MORF4L1: variants seen among roughly 807,000 people sequenced by gnomAD.
MORF4L1 encodes mortality factor 4 like 1, also known as mortality factor 4-like protein 1.
MORF4L1 carries 4 observed loss-of-function variants against 52.9 expected under a neutral mutation model. That is an observed-to-expected ratio of 0.08 (90% CI 0.04 to 0.17). MORF4L1 has a LOEUF of 0.17. Ranked by LOEUF, MORF4L1 falls within the 10% of genes least tolerant of loss-of-function variation. MORF4L1 has a pLI of 1.00. For missense variants in MORF4L1, 214 were observed against 390.4 expected, an observed-to-expected ratio of 0.55 and a Z score of 3.81; for synonymous variants, 123 against 134.8, an observed-to-expected ratio of 0.91 and a Z score of 0.61.
At chr15:78,873,419 G>C (rs924018508) in intron 1 of MORF4L1, among the ~76,000 whole-genome samples, 3 of 152,176 alleles carry the variant, frequency 2.0e-5, no homozygotes, top group African/African-American at 4.8e-5. Context: ...GTGGCGGCGG[G>C]GGGGGAGGGG....
At chr15:78,873,170 G>T (rs1239881162) in intron 1 of MORF4L1, 113 bp downstream of exon 1, 11 of 1,535,076 alleles carry the variant, frequency 7.2e-6, no homozygotes, top group Non-Finnish European at 9.6e-6. Flanking sequence ...CTGAGAAGGC[G>T]GCGGTCAGTG....
chr15:78,895,012 A>G (rs990267367), intron 11 of MORF4L1, 108 bp downstream of exon 11: 12 of 874,258 alleles, frequency 1.4e-5, no homozygotes, highest in Non-Finnish European at 2.2e-5. Context: ...GTACAGGCAT[A>G]GATAGTTGGT....
chr15:78,877,207 A>T (rs1596239054), intron 1 of MORF4L1, among the ~76,000 whole-genome samples: 1 of 129,830 alleles, frequency 7.7e-6, no homozygotes, highest in East Asian at 2.3e-4. Flanking sequence ...TGCAACCTCC[A>T]CCTCCCGGGT....
chr15:78,891,162 A>T (rs1483516720), intron 6 of MORF4L1, 148 bp downstream of exon 6: 3 of 1,027,548 alleles, frequency 2.9e-6, no homozygotes, highest in Non-Finnish European at 4.3e-6. Flanking sequence ...AAATAGGTAC[A>T]TGGTGGTAGA....
chr15:78,890,487 CTTTT>C (rs899494842), intron 5 of MORF4L1, among the ~76,000 whole-genome samples: 1 of 145,354 alleles, frequency 6.9e-6, no homozygotes, highest in African/African-American at 2.5e-5. Context: ...GTTTGCTTTT[CTTTT>C]TTTTTTGTCT....
In MORF4L1 at chr15:78,872,990, G is replaced by A. The variant is rs1420755398; in HGVS notation, c.-28G>A. The stretch of plus-strand genomic sequence containing the variant: ...GGGGCGGTAGTCGGGGGTGGTGGGA[G>A]AAGGAGGAGGCGGCGAATCACTTAT... On this transcript the variant is annotated 5_prime_UTR_variant, in exon 1 of 12. Transcript: ENST00000426013. 2.6e-6 allele frequency: 4 copies of A among 1,549,316 alleles called. No individual in the cohort carries two copies. The highest frequency in any genetic ancestry group is 2.7e-5 in the African/African-American group (2 of 73,062).
Position 78,891,059 on chromosome 15 carries a change from G to T in MORF4L1, c.349+45G>T. The T allele has an allele frequency of 2.1e-6, 3 of 1,458,690 alleles. No individual in the cohort carries two copies. The South Asian group carries it at 3.6e-5, about 18-fold the overall frequency. 90.4% of individuals were successfully genotyped at this position (1,458,690 alleles called of 1,614,324 possible). A position where few individuals can be genotyped will look rare whatever the true frequency, so the allele number is the denominator to read the frequency against. On this transcript the variant is annotated intron_variant, in intron 6 of 11. Transcript: ENST00000426013. The stretch of plus-strand genomic sequence containing the variant: ...TAACGTTAATTTATGTTACCTCTAT[G>T]ACATTGACGTTTTTATTTTGAAAGC...
chr15:78,885,799 T>A (rs1034972781), intron 3 of MORF4L1, among the ~76,000 whole-genome samples: 1 of 152,240 alleles, frequency 6.6e-6, no homozygotes, highest in Non-Finnish European at 1.5e-5. Context: ...TTTTGACTCC[T>A]GTGCTTTATT....
In MORF4L1 at chr15:78,876,552, T is replaced by C. The variant is rs181330956; in HGVS notation, c.41-1661T>C. 2.5e-4 allele frequency: 113 copies of C among 455,990 alleles called. 1 individual carries two copies. In the East Asian group the frequency reaches 7.6e-3, roughly 31 times the overall value. The allele number at this position is 455,990 out of a possible 1,614,324, so 28.2% of individuals were successfully genotyped here. On this transcript the variant is annotated intron_variant, in intron 1 of 11. Coordinates refer to ENST00000426013, the MANE Select transcript of MORF4L1 (RefSeq NM_006791.4). ...CAGGGCCTCGGTTTCAGTGCACTTT[T>C]TTTTCCGGCAGTAGCAGCCAAGGGG... is the stretch of plus-strand genomic sequence containing the variant.
At chr15:78,876,557 C>A (rs2056495974) in intron 1 of MORF4L1, 2 of 455,566 alleles carry the variant, frequency 4.4e-6, no homozygotes, top group Non-Finnish European at 8.8e-6. Flanking sequence ...ACTTTTTTTT[C>A]CGGCAGTAGC....
intron 11 of MORF4L1, among the ~76,000 whole-genome samples, chr15:78,896,308 C>CTTTTTTTTTTTTTTT (rs71148578): frequency 1.5e-4 from 12 of 81,432 alleles, no homozygotes; most frequent in Admixed American, 5.0e-4. Context: ...CTTTTCTTTT[C>CTTTTTTTTTTTTTTT]TTTTTTTTTT....
At position 78,893,994 on chromosome 15, in the gene MORF4L1, G is replaced by A. The variant is rs1321325411; in HGVS notation, c.630-64G>A. ...CAGCTTTTAATTCTTTAAATTGGTT[G>A]AATTATTCTCTATGTCAGTTATTTT... On this transcript the variant is annotated intron_variant, in intron 9 of 11. Coordinates refer to ENST00000426013, the MANE Select transcript of MORF4L1 (RefSeq NM_006791.4). 3 of 1,438,792 alleles carry A rather than the reference G, an allele frequency of 2.1e-6. No homozygotes were observed. The African/African-American group carries it at 4.3e-5, about 21-fold the overall frequency. 89.1% of individuals were successfully genotyped at this position (1,438,792 alleles called of 1,614,324 possible).
Position 78,894,079 on chromosome 15 carries a change from T to A in MORF4L1, c.651T>A (p.Val217=). The A allele has an allele frequency of 6.2e-7, 1 of 1,613,344 alleles. No individual in the cohort carries two copies. Among genetic ancestry groups the A allele is most frequent in the South Asian group, 1.1e-5 (1 of 90,984 alleles). Reference sequence around the variant, plus strand: ...TCAGGGAGTATGCGGTTAATGAAGTTGTGGCAGGGATAAAAGAATACTTCA... The same window carrying A: ...TCAGGGAGTATGCGGTTAATGAAGTAGTGGCAGGGATAAAAGAATACTTCA... ...TDNKEYAVNE[V]VAGIKEYFNV... Residue 217 remains valine, a synonymous_variant, in exon 10 of 12, where the codon GTT becomes GTA. Coordinates refer to ENST00000426013, the MANE Select transcript of MORF4L1 (RefSeq NM_006791.4).
chr15:78,884,100 A>C (rs577762651), intron 3 of MORF4L1, among the ~76,000 whole-genome samples: 11 of 152,076 alleles, frequency 7.2e-5, no homozygotes, highest in African/African-American at 2.4e-4. Context: ...GCTAGTTTGT[A>C]GGCTGAGGCA....
chr15:78,890,169 G>A (rs541718885), intron 5 of MORF4L1, among the ~76,000 whole-genome samples: 4 of 152,074 alleles, frequency 2.6e-5, no homozygotes, highest in East Asian at 1.9e-4. Context: ...GCAGTGAGCC[G>A]AGATCACCCA....
At chr15:78,891,125 A>G (rs903937240) in intron 6 of MORF4L1, 111 bp downstream of exon 6, 3 of 1,243,108 alleles carry the variant, frequency 2.4e-6, no homozygotes, top group Non-Finnish European at 2.2e-6. Flanking sequence ...TGATTATCTC[A>G]AATAGGAGTC....
intron 1 of MORF4L1, among the ~76,000 whole-genome samples, chr15:78,874,827 T>TTTTTTTTTTTTTTTTTTTTTTTTTTTGAG (rs1350184024): frequency 2.6e-5 from 4 of 151,006 alleles, no homozygotes; most frequent in Non-Finnish European, 4.4e-5. Context: ...CAGATATTCT[T>TTTTTTTTTTTTTTTTTTTTTTTTTTTGAG]AATCTAGAGT....
chr15:78,876,533 C>G, intron 1 of MORF4L1: 1 of 455,796 alleles, frequency 2.2e-6, no homozygotes, highest in Non-Finnish European at 4.4e-6. Context: ...GTCACAGGGC[C>G]TCGGTTTCAG....
At chr15:78,893,053 T>A (rs1163645002) in intron 8 of MORF4L1, 5 of 152,884 alleles carry the variant, frequency 3.3e-5, no homozygotes, top group African/African-American at 9.6e-5. Flanking sequence ...CTTCTGTTTT[T>A]GCATTTAATG....
Sources: gnomAD v4.1 joint callset for allele counts (sites outside exome capture counted in the v4.1 genomes callset) on GRCh38, gnomAD v4.1.1 for gene constraint, MANE v1.5 for transcripts, NCBI Gene and HGNC (gene_info 2026-07-23, HGNC 2026-07-21) for gene names.